Variants in PEAK1 observed in about 807,000 individuals in gnomAD.
PEAK1 encodes inactive tyrosine-protein kinase PEAK1.
A neutral mutation model predicts 124.7 loss-of-function variants in PEAK1; 54 were observed. That is an observed-to-expected ratio of 0.43 (90% CI 0.35 to 0.54). PEAK1 has a LOEUF of 0.54. PEAK1 is among the 20% of genes least tolerant of loss of function. PEAK1 has a pLI of 0.01. For missense variants in PEAK1, 2,046 were observed against 2,134.5 expected, an observed-to-expected ratio of 0.96 and a Z score of 0.82; for synonymous variants, 719 against 760.0, an observed-to-expected ratio of 0.95 and a Z score of 0.89.
chr15:77,136,081 A>G (rs915623362), intron 8 of PEAK1, among the ~76,000 whole-genome samples: 13 of 152,202 alleles, frequency 8.5e-5, no homozygotes, highest in Admixed American at 3.9e-4. Context: ...GACTTGTTGA[A>G]TGGCTTTGAC....
intron 1 of PEAK1, chr15:77,403,437 T>C: frequency 2.2e-6 from 2 of 921,638 alleles, no homozygotes; most frequent in Non-Finnish European, 2.6e-6. Flanking sequence ...TACATATTGA[T>C]TGTAAGGGTA....
At chr15:77,332,374 C>G (rs1251775422) in intron 2 of PEAK1, 11 of 509,410 alleles carry the variant, frequency 2.2e-5, no homozygotes, top group Non-Finnish European at 2.8e-5. Context: ...CTGAGAGGGG[C>G]AGATCACGAG....
rs148428645 is a variant in PEAK1 at position 77,367,815 on chromosome 15, T to C, written c.-665-2590A>G. 1.1e-3 allele frequency among the ~76,000 whole-genome samples: 168 copies of C among 152,350 alleles called. 1 individual carries two copies. Among genetic ancestry groups the C allele is most frequent in the Middle Eastern group, 6.8e-3 (2 of 294 alleles). ...CTTGAGGTTTTAATAATTTATTCAT[T>C]CAGTATTCATTACATGCCTCCATGT... is the stretch of plus-strand genomic sequence containing the variant. On this transcript the variant is annotated intron_variant, in intron 1 of 9. Coordinates refer to ENST00000682557, the MANE Select transcript of PEAK1 (RefSeq NM_001385026.1).
At chr15:77,105,176 C>T (rs1377840299), downstream of PEAK1, 1 of 152,242 alleles carries the variant, frequency 6.6e-6, no homozygotes, top group Admixed American at 6.5e-5. Flanking sequence ...TCCCTATACC[C>T]CCCACTTCCT....
intron 5 of PEAK1, among the ~76,000 whole-genome samples, chr15:77,266,021 A>T (rs187618447): frequency 6.6e-5 from 10 of 152,116 alleles, no homozygotes; most frequent in African/African-American, 2.4e-4. Flanking sequence ...CAAACACCGC[A>T]TATTCTCACT....
intron 1 of PEAK1, among the ~76,000 whole-genome samples, chr15:77,398,316 C>CAAAGAT: frequency 6.6e-6 from 1 of 152,020 alleles, no homozygotes; most frequent in South Asian, 2.1e-4. Flanking sequence ...AAAGAAAAAG[C>CAAAGAT]AAAGATACAG....
At chr15:77,288,933 A>AG (rs1472531943) in intron 2 of PEAK1, among the ~76,000 whole-genome samples, 1 of 152,018 alleles carries the variant, frequency 6.6e-6, no homozygotes, top group African/African-American at 2.4e-5. Flanking sequence ...GTCTCAAAAA[A>AG]AAAAAAAAAA....
chr15:77,352,304 G>C, intron 2 of PEAK1: 1 of 985,352 alleles, frequency 1.0e-6, no homozygotes, highest in Non-Finnish European at 1.2e-6. Context: ...GCAGTGCAGA[G>C]GGCCAAATCG....
At chr15:77,340,097 G>T (rs1378740290) in intron 2 of PEAK1, among the ~76,000 whole-genome samples, 1 of 152,192 alleles carries the variant, frequency 6.6e-6, no homozygotes, top group Non-Finnish European at 1.5e-5. Flanking sequence ...TCACAAAGTT[G>T]AACTTAGTCT....
rs1440991368 is a variant in PEAK1 at position 77,370,615 on chromosome 15, C to T, written c.-665-5390G>A. On this transcript the variant is annotated intron_variant, in intron 1 of 9. Transcript: ENST00000682557. ...TGCCCTCAATTTCTAAAGTCCCTTG[C>T]CTACCCATAATTTTGAATGTTACCA... is the stretch of plus-strand genomic sequence containing the variant. 3 of 836,324 alleles carry T rather than the reference C, an allele frequency of 3.6e-6. No homozygotes were observed. In the African/African-American group the frequency reaches 5.6e-5, roughly 15 times the overall value. 51.8% of individuals were successfully genotyped at this position (836,324 alleles called of 1,614,324 possible).
At chr15:77,102,112 T>C (rs983040817) in exon 7 of PEAK1, 2 of 152,236 alleles carry the variant, frequency 1.3e-5, no homozygotes, top group African/African-American at 4.8e-5. Flanking sequence ...TTTTCTACTG[T>C]AAACAGGCAT....
At chr15:77,198,522 C>T (rs1305178112) in intron 6 of PEAK1, among the ~76,000 whole-genome samples, 1 of 152,076 alleles carries the variant, frequency 6.6e-6, no homozygotes, top group Non-Finnish European at 1.5e-5. Flanking sequence ...TGAATCTAGC[C>T]TAAGGACCAG....
At chr15:77,274,686 G>A (rs1222819692) in intron 5 of PEAK1, among the ~76,000 whole-genome samples, 1 of 151,972 alleles carries the variant, frequency 6.6e-6, no homozygotes, top group Non-Finnish European at 1.5e-5. Flanking sequence ...TGGATGTCAT[G>A]AAAAAAGGAA....
chr15:77,306,267 T>C (rs1395752544), intron 2 of PEAK1, among the ~76,000 whole-genome samples: 2 of 151,104 alleles, frequency 1.3e-5, no homozygotes, highest in East Asian at 1.9e-4. Context: ...GGACTAAGAG[T>C]TTAAAGGACT....
At chr15:77,325,086 A>T (rs1164405532) in intron 2 of PEAK1, among the ~76,000 whole-genome samples, 1 of 152,216 alleles carries the variant, frequency 6.6e-6, no homozygotes, top group African/African-American at 2.4e-5. Flanking sequence ...TGTGGAAAAG[A>T]AACAAAAACA....
At chr15:77,320,468 C>T (rs2153016300) in intron 2 of PEAK1, among the ~76,000 whole-genome samples, 1 of 152,248 alleles carries the variant, frequency 6.6e-6, no homozygotes, top group South Asian at 2.1e-4. Context: ...AAAAATTCCA[C>T]TGTTTACTAG....
chr15:77,174,845 C>T (rs888575188), intron 7 of PEAK1, among the ~76,000 whole-genome samples: 3 of 152,114 alleles, frequency 2.0e-5, no homozygotes, highest in Admixed American at 2.0e-4. Context: ...TACCTGACTT[C>T]AAACTATACA....
At chr15:77,231,588 C>G (rs1389808052) in intron 6 of PEAK1, among the ~76,000 whole-genome samples, 1 of 152,000 alleles carries the variant, frequency 6.6e-6, no homozygotes, top group Non-Finnish European at 1.5e-5. Context: ...TCAGAATTTT[C>G]TTGTAAGTAA....
intron 2 of PEAK1, chr15:77,336,356 T>G: frequency 2.0e-6 from 2 of 985,400 alleles, no homozygotes; most frequent in Non-Finnish European, 2.4e-6. Flanking sequence ...CAAAAAGCTC[T>G]CATTATAGAG....
Sources: gnomAD v4.1 joint callset for allele counts (sites outside exome capture counted in the v4.1 genomes callset) on GRCh38, gnomAD v4.1.1 for gene constraint, MANE v1.5 for transcripts, NCBI Gene and HGNC (gene_info 2026-07-23, HGNC 2026-07-21) for gene names.